The following MTCL2 variants were observed in gnomAD, a reference collection of about 807,000 sequenced individuals.
MTCL2 encodes the protein microtubule crosslinking factor 2.
chr20:36,847,393 GTGC>G, the MTCL2 span, among the ~76,000 whole-genome samples: 2 of 152,172 alleles, frequency 1.3e-5, no homozygotes, highest in East Asian at 3.8e-4. Flanking sequence ...ATGGTCCGTT[GTGC>G]TGGTAATTTT....
chr20:36,791,709 TTG>T, the MTCL2 span, among the ~76,000 whole-genome samples: 782 of 152,246 alleles, frequency 5.1e-3, 5 homozygotes, highest in Non-Finnish European at 8.8e-3. Flanking sequence ...CTGGAAGATG[TTG>T]TAAAGTCAGA....
the MTCL2 span, chr20:36,812,889 G>T: frequency 6.3e-7 from 1 of 1,585,058 alleles, no homozygotes; most frequent in East Asian, 2.3e-5. Context: ...ATCACCATGG[G>T]GAGGGGCCCG....
the MTCL2 span, among the ~76,000 whole-genome samples, chr20:36,806,351 C>T: frequency 2.0e-5 from 3 of 152,206 alleles, no homozygotes; most frequent in East Asian, 1.9e-4. Flanking sequence ...CAAAAGGGAG[C>T]GAGTCACCTT....
At chr20:36,787,194 T>C in the MTCL2 span, among the ~76,000 whole-genome samples, 11 of 152,164 alleles carry the variant, frequency 7.2e-5, no homozygotes, top group African/African-American at 2.6e-4. Context: ...TTTCACTAGA[T>C]AGAAATAACT....
chr20:36,844,143 G>A, the MTCL2 span, among the ~76,000 whole-genome samples: 10 of 152,118 alleles, frequency 6.6e-5, no homozygotes, highest in Admixed American at 6.5e-4. Context: ...GGCTGAGGCA[G>A]GAGAATTGCT....
the MTCL2 span, chr20:36,786,589 G>A: frequency 5.8e-6 from 9 of 1,550,874 alleles, no homozygotes; most frequent in East Asian, 2.4e-5. Context: ...CGGGACGATC[G>A]GGCGAAGCAG....
the MTCL2 span, among the ~76,000 whole-genome samples, chr20:36,843,955 A>C: frequency 6.6e-6 from 1 of 152,238 alleles, no homozygotes; most frequent in Admixed American, 6.5e-5. Context: ...AAAACAGGCC[A>C]GGTCGGGCAC....
At chr20:36,800,321 C>A in the MTCL2 span, among the ~76,000 whole-genome samples, 1 of 152,170 alleles carries the variant, frequency 6.6e-6, no homozygotes, top group African/African-American at 2.4e-5. Flanking sequence ...AGGAATTATT[C>A]TTTTATAGAC....
At chr20:36,791,361 C>T in the MTCL2 span, among the ~76,000 whole-genome samples, 1 of 152,186 alleles carries the variant, frequency 6.6e-6, no homozygotes, top group African/African-American at 2.4e-5. Flanking sequence ...CCTTTAATCT[C>T]ATTTCTGCAA....
At chr20:36,833,866 G>A in the MTCL2 span, among the ~76,000 whole-genome samples, 1 of 151,320 alleles carries the variant, frequency 6.6e-6, no homozygotes, top group African/African-American at 2.4e-5. Context: ...AAGAAAGAAA[G>A]AAACAAAGAA....
the MTCL2 span, among the ~76,000 whole-genome samples, chr20:36,817,997 G>A: frequency 6.6e-6 from 1 of 152,200 alleles, no homozygotes; most frequent in Non-Finnish European, 1.5e-5. Flanking sequence ...TTGTCCAAGG[G>A]CAGGTGCTAT....
the MTCL2 span, chr20:36,815,295 C>T: frequency 3.1e-6 from 5 of 1,613,912 alleles, no homozygotes; most frequent in Non-Finnish European, 3.4e-6. The surrounding 1 kb of genome is among the most constrained non-coding windows in gnomAD (Gnocchi z 5.3). Flanking sequence ...CACGCTCAGG[C>T]GCACCAGGAT....
chr20:36,827,022 CTTTA>C, the MTCL2 span, among the ~76,000 whole-genome samples: 6,847 of 144,262 alleles, frequency 0.047, 560 homozygotes, highest in African/African-American at 0.16. Flanking sequence ...TATCATCCTG[CTTTA>C]TTTATTTATT....
chr20:36,846,114 G>A, the MTCL2 span, among the ~76,000 whole-genome samples: 1 of 151,890 alleles, frequency 6.6e-6, no homozygotes, highest in Admixed American at 6.6e-5. Flanking sequence ...GCTGAGGCAA[G>A]AGAATTGCTT....
chr20:36,788,934 G>A, the MTCL2 span, among the ~76,000 whole-genome samples: 1 of 151,662 alleles, frequency 6.6e-6, no homozygotes, highest in Non-Finnish European at 1.5e-5. Flanking sequence ...AGCCTCCCGA[G>A]TAGCTGGGAT....
At chr20:36,781,443 G>A in the MTCL2 span, 3 of 152,152 alleles carry the variant, frequency 2.0e-5, no homozygotes, top group Admixed American at 2.0e-4. Flanking sequence ...GGTTGAGGCA[G>A]GAGAACTGCT....
the MTCL2 span, among the ~76,000 whole-genome samples, chr20:36,823,396 G>A: frequency 6.6e-6 from 1 of 152,276 alleles, no homozygotes; most frequent in East Asian, 1.9e-4. Context: ...CAGCCCTCAC[G>A]GTGGTTGTGA....
chr20:36,817,400 G>A, the MTCL2 span: 2 of 1,578,834 alleles, frequency 1.3e-6, no homozygotes, highest in East Asian at 4.6e-5. Context: ...GGGCTGCTGG[G>A]AATTACCTGC....
chr20:36,837,679 G>A, the MTCL2 span, among the ~76,000 whole-genome samples: 1 of 151,716 alleles, frequency 6.6e-6, no homozygotes, highest in Non-Finnish European at 1.5e-5. Context: ...CCGGGTTCAA[G>A]CGATTCTCCT....
Sources: gnomAD v4.1 joint callset for allele counts (sites outside exome capture counted in the v4.1 genomes callset) on GRCh38, gnomAD v4.1.1 for gene constraint, Gnocchi (gnomAD v3.1) non-coding constraint, MANE v1.5 for transcripts, NCBI Gene and HGNC (gene_info 2026-07-23, HGNC 2026-07-21) for gene names.